TCF7L2: variants seen among roughly 807,000 people sequenced by gnomAD.
TCF7L2 encodes the protein transcription factor 7-like 2.
Under a neutral mutation model 77.9 loss-of-function variants are expected in TCF7L2, and 23 were observed. That is an observed-to-expected ratio of 0.30 (90% confidence interval 0.21 to 0.42). The LOEUF (loss-of-function observed/expected upper bound fraction) is 0.42, where lower values mean the gene tolerates loss of function less well. TCF7L2 is among the 10% of genes least tolerant of loss of function. TCF7L2 has a pLI of 1.00. For missense variants in TCF7L2, 654 were observed against 793.1 expected (o/e 0.82, Z 2.11); for synonymous variants, 413 against 340.2 (o/e 1.21, Z -2.36).
chr10:113,017,386 G>T (rs2047520650), intron 4 of TCF7L2, among the ~76,000 whole-genome samples: 1 of 39,376 alleles, frequency 2.5e-5, no homozygotes, highest in Admixed American at 1.7e-4. Context: ...GACCAGTGGT[G>T]GAGCGGGAGC....
chr10:113,046,704 A>G (rs1189515605), intron 5 of TCF7L2, among the ~76,000 whole-genome samples: 1 of 152,202 alleles, frequency 6.6e-6, no homozygotes, highest in Non-Finnish European at 1.5e-5. Context: ...GTACCTCTAA[A>G]GTAAGTGAAA....
intron 4 of TCF7L2, among the ~76,000 whole-genome samples, chr10:113,014,565 G>A (rs1018978857): frequency 1.1e-4 from 16 of 152,252 alleles, no homozygotes; most frequent in African/African-American, 2.9e-4. Flanking sequence ...GGCCGAGGGG[G>A]CGCGGATCAC....
chr10:113,120,146 A>G (rs2064544315), intron 5 of TCF7L2, among the ~76,000 whole-genome samples: 1 of 152,214 alleles, frequency 6.6e-6, no homozygotes, highest in Non-Finnish European at 1.5e-5. Context: ...TTGCATGCCA[A>G]GTGGGGTTTG....
intron 5 of TCF7L2, chr10:113,089,429 T>G: frequency 6.2e-7 from 1 of 1,613,806 alleles, no homozygotes; most frequent in Non-Finnish European, 8.5e-7. Context: ...CTCAGGGACA[T>G]GACTGTCAGC....
At chr10:112,964,203 A>G (rs1029413379) in intron 3 of TCF7L2, among the ~76,000 whole-genome samples, 5 of 152,090 alleles carry the variant, frequency 3.3e-5, no homozygotes, top group African/African-American at 1.2e-4. Context: ...TTTGCAGCGC[A>G]CAGTTCATTT....
At chr10:113,164,520 T>G (rs1455717932) in intron 13 of TCF7L2, among the ~76,000 whole-genome samples, 2 of 150,524 alleles carry the variant, frequency 1.3e-5, no homozygotes, top group Non-Finnish European at 3.0e-5. Context: ...AGGATGCCCC[T>G]CCATCCATCC....
chr10:113,045,734 G>T (rs1015817850), intron 5 of TCF7L2, among the ~76,000 whole-genome samples: 3 of 152,188 alleles, frequency 2.0e-5, no homozygotes, highest in East Asian at 1.9e-4. Context: ...TTTACTTCTG[G>T]ATTATCTCCA....
chr10:112,977,162 C>T (rs1011091731), intron 4 of TCF7L2, among the ~76,000 whole-genome samples: 2 of 152,104 alleles, frequency 1.3e-5, no homozygotes, highest in African/African-American at 2.4e-5. Flanking sequence ...AAACCTCGTG[C>T]CTCCCAGATT....
intron 5 of TCF7L2, among the ~76,000 whole-genome samples, chr10:113,139,097 G>A (rs1263220772): frequency 6.6e-6 from 1 of 152,146 alleles, no homozygotes; most frequent in Non-Finnish European, 1.5e-5. Context: ...TCTCCCCACT[G>A]GCCCTGGTGT....
intron 4 of TCF7L2, among the ~76,000 whole-genome samples, chr10:113,017,317 G>A (rs925952370): frequency 2.6e-5 from 4 of 152,220 alleles, no homozygotes; most frequent in Non-Finnish European, 5.9e-5. Flanking sequence ...CTCTGATGCA[G>A]GGTGCTGTGT....
chr10:113,118,247 G>A (rs1405002021), intron 5 of TCF7L2, among the ~76,000 whole-genome samples: 1 of 152,120 alleles, frequency 6.6e-6, no homozygotes, highest in African/African-American at 2.4e-5. Context: ...AGCACATTGG[G>A]CAGATGAATA....
rs1435039620 is a variant in TCF7L2, at chr10:112,951,193, A to G, written c.190-14A>G. ...TTTGCCCCTCGCCCTCCCCACCTCC[A>G]CCCCTCTGGGAAGGCGGAAAGACGG... On this transcript the variant is annotated splice_polypyrimidine_tract_variant and intron_variant, in intron 1 of 13. Transcript: ENST00000627217. 2 of 1,485,356 alleles carry G rather than the reference A, an allele frequency of 1.3e-6. No individual in the cohort carries two copies. The highest frequency in any genetic ancestry group is 4.4e-5 in the Admixed American group (2 of 45,188). 92.0% of individuals were successfully genotyped at this position (1,485,356 alleles called of 1,614,324 possible).
intron 4 of TCF7L2, among the ~76,000 whole-genome samples, chr10:113,017,622 AC>A (rs1420979929): frequency 6.6e-6 from 1 of 152,052 alleles, no homozygotes; most frequent in Admixed American, 6.5e-5. Context: ...CACTGGAGAC[AC>A]CCTCTCTGGT....
intron 4 of TCF7L2, among the ~76,000 whole-genome samples, chr10:112,977,513 C>T (rs545988239): frequency 1.7e-4 from 26 of 152,266 alleles, no homozygotes; most frequent in East Asian, 1.5e-3. Flanking sequence ...TGTTATGATC[C>T]GATGACAAAT....
intron 4 of TCF7L2, among the ~76,000 whole-genome samples, chr10:112,977,815 G>A (rs114129217): frequency 0.012 from 1,792 of 152,306 alleles, 42 homozygotes; most frequent in African/African-American, 0.04. Context: ...TGTCGTCTCA[G>A]CAGCCTGCAC....
At chr10:113,113,547 A>T (rs1260954595) in intron 5 of TCF7L2, among the ~76,000 whole-genome samples, 1 of 152,058 alleles carries the variant, frequency 6.6e-6, no homozygotes, top group Non-Finnish European at 1.5e-5. Flanking sequence ...CTAGAAGGAG[A>T]TGTGAGGCAT....
chr10:113,010,692 G>A (rs142529587), intron 4 of TCF7L2, among the ~76,000 whole-genome samples: 4 of 152,218 alleles, frequency 2.6e-5, no homozygotes, highest in Non-Finnish European at 5.9e-5. Flanking sequence ...GTACGGTTGA[G>A]AAACCATTGC....
At chr10:112,999,987 C>T (rs971319077) in intron 4 of TCF7L2, among the ~76,000 whole-genome samples, 1 of 152,132 alleles carries the variant, frequency 6.6e-6, no homozygotes, top group African/African-American at 2.4e-5. Context: ...GATGCTAGCC[C>T]TGAGAATTTT....
chr10:113,161,780 A>G (rs1305078023), intron 13 of TCF7L2, among the ~76,000 whole-genome samples: 2 of 152,130 alleles, frequency 1.3e-5, no homozygotes, highest in Admixed American at 6.5e-5. Flanking sequence ...TCTGATGCCA[A>G]TACGAGAGAT....
Sources: allele counts gnomAD v4.1 joint callset (sites outside exome capture counted in the v4.1 genomes callset), GRCh38; gene constraint gnomAD v4.1.1; transcripts MANE v1.5; gene names NCBI Gene and HGNC (gene_info 2026-07-23, HGNC 2026-07-21).